Variants in CERS3 observed in about 807,000 individuals in gnomAD.
The protein encoded by CERS3 is LAG1 homolog, ceramide synthase 3.
Under a neutral mutation model 50.3 loss-of-function variants are expected in CERS3, and 33 were observed. That is an observed-to-expected ratio of 0.66 (90% CI 0.50 to 0.88). The LOEUF (loss-of-function observed/expected upper bound fraction) is 0.88. Ranked by LOEUF, CERS3 falls within the 40% of genes least tolerant of loss-of-function variation. The probability of loss-of-function intolerance (pLI) is 0.00; values close to 1 mark genes in which losing one functional copy is unlikely to be tolerated. For missense variants in CERS3, 470 were observed against 460.3 expected, an observed-to-expected ratio of 1.02 and a Z score of -0.19; for synonymous variants, 176 against 155.2, an observed-to-expected ratio of 1.13 and a Z score of -0.99.
chr15:100,453,483 CAT>C (rs2034247832), intron 11 of CERS3, among the ~76,000 whole-genome samples: 1 of 152,116 alleles, frequency 6.6e-6, no homozygotes. Context: ...ACAAACTAGT[CAT>C]AGAGGGAACA....
At chr15:100,494,795 A>G (rs1252968544) in intron 3 of CERS3, among the ~76,000 whole-genome samples, 1 of 152,204 alleles carries the variant, frequency 6.6e-6, no homozygotes, top group Non-Finnish European at 1.5e-5. Flanking sequence ...TTCAGAGGTG[A>G]GAGCTTATGG....
At chr15:100,420,982 A>T (rs1394274528) in intron 11 of CERS3, among the ~76,000 whole-genome samples, 1 of 139,232 alleles carries the variant, frequency 7.2e-6, no homozygotes, top group African/African-American at 2.7e-5. Flanking sequence ...TATCATACTG[A>T]ATGGGCAAAA....
chr15:100,425,167 T>C (rs1170941925), intron 11 of CERS3, among the ~76,000 whole-genome samples: 5 of 152,184 alleles, frequency 3.3e-5, no homozygotes, highest in Admixed American at 3.3e-4. Flanking sequence ...ACTAAGGCAG[T>C]GCAGAGGGGA....
At chr15:100,431,937 GAGT>G (rs772813919) in intron 11 of CERS3, among the ~76,000 whole-genome samples, 8 of 152,176 alleles carry the variant, frequency 5.3e-5, no homozygotes, top group Non-Finnish European at 8.8e-5. Flanking sequence ...TTTACGGTGT[GAGT>G]AGTAGATCTT....
At chr15:100,451,863 T>C (rs1801528280) in intron 11 of CERS3, among the ~76,000 whole-genome samples, 1 of 151,804 alleles carries the variant, frequency 6.6e-6, no homozygotes, top group Non-Finnish European at 1.5e-5. Context: ...AGACTTTAAT[T>C]CAAAAAACAG....
Position 100,413,187 on chromosome 15 carries a change from C to T in CERS3, c.1000-10322G>A, listed in dbSNP as rs149616439. The stretch of plus-strand genomic sequence containing the variant: ...TTCTCCAAATTGCCATATTTTACAT[C>T]CTTTAAAAACAGCTTTACATTCACA... On this transcript the variant is annotated intron_variant, in intron 11 of 11. Coordinates refer to ENST00000679737, the MANE Select transcript of CERS3 (RefSeq NM_001378789.1). 4.3e-3 allele frequency among the ~76,000 whole-genome samples: 662 copies of T among 152,232 alleles called. 5 individuals are homozygous for T. Among genetic ancestry groups the T allele is most frequent in the African/African-American group, 0.015 (604 of 41,538 alleles).
chr15:100,458,805 A>T (rs2034458402), intron 10 of CERS3, among the ~76,000 whole-genome samples: 1 of 152,156 alleles, frequency 6.6e-6, no homozygotes, highest in Non-Finnish European at 1.5e-5. Flanking sequence ...TTATGTAACG[A>T]GGTGATCACT....
chr15:100,496,408 A>G (rs1045422068), intron 3 of CERS3, among the ~76,000 whole-genome samples: 31 of 152,252 alleles, frequency 2.0e-4, no homozygotes, highest in Admixed American at 1.3e-3. Context: ...CATTAAGCTT[A>G]ATGAAAGAAG....
intron 11 of CERS3, among the ~76,000 whole-genome samples, chr15:100,442,757 G>A (rs549731809): frequency 2.6e-5 from 4 of 152,358 alleles, no homozygotes; most frequent in African/African-American, 7.2e-5. Flanking sequence ...CTTAGCAGCT[G>A]AAGACTGACA....
chr15:100,427,942 G>C (rs576232000), intron 11 of CERS3, among the ~76,000 whole-genome samples: 8 of 152,282 alleles, frequency 5.3e-5, no homozygotes, highest in East Asian at 1.9e-4. Flanking sequence ...AGAGAGCCAC[G>C]TCACTAAGTG....
chr15:100,528,663 A>G (rs2036861933), intron 1 of CERS3, 150 bp downstream of exon 1: 2 of 152,346 alleles, frequency 1.3e-5, no homozygotes, highest in South Asian at 2.1e-4. Flanking sequence ...ACATTTCTTC[A>G]TTTGTCCGCC....
intron 4 of CERS3, 23 bp from the exon 5 acceptor site, chr15:100,484,691 A>C (rs2035436089): frequency 6.6e-7 from 1 of 1,510,090 alleles, no homozygotes; most frequent in Non-Finnish European, 9.2e-7. Context: ...GAAACGCATA[A>C]ATGAGTGATA....
chr15:100,518,439 T>C (rs1023272266), intron 2 of CERS3, among the ~76,000 whole-genome samples: 1 of 152,222 alleles, frequency 6.6e-6, no homozygotes, highest in Admixed American at 6.5e-5. Context: ...GATTAATGAT[T>C]AAATCTATGA....
At chr15:100,447,978 A>G (rs1270929485) in intron 11 of CERS3, among the ~76,000 whole-genome samples, 1 of 152,258 alleles carries the variant, frequency 6.6e-6, no homozygotes, top group Non-Finnish European at 1.5e-5. Flanking sequence ...ATTTGTTATT[A>G]TTTAGAGAAG....
At position 100,406,962 on chromosome 15, in the gene CERS3, G is replaced by A. The variant is rs1265447115; in HGVS notation, c.1000-4097C>T. Among the ~76,000 whole-genome samples the A allele has an allele frequency of 2.0e-5, 3 of 152,112 alleles. 1 individual carries two copies. Among genetic ancestry groups the A allele is most frequent in the Non-Finnish European group, 4.4e-5 (3 of 68,036 alleles). ...AAGAGAGAGAGAGAGCTTGTGCAGG[G>A]GAACTCCTCTTTTTGACACCATCAG... On this transcript the variant is annotated intron_variant, in intron 11 of 11. Coordinates refer to ENST00000679737, the MANE Select transcript of CERS3 (RefSeq NM_001378789.1).
At chr15:100,530,715 G>A (rs750161962), upstream of CERS3, among the ~76,000 whole-genome samples, 22 of 152,086 alleles carry the variant, frequency 1.4e-4, no homozygotes, top group Non-Finnish European at 2.6e-4. Context: ...TTCACTCCGG[G>A]GATATCTCGG....
At chr15:100,402,933 C>T in intron 11 of CERS3, 68 bp from the exon 12 acceptor site, 1 of 1,481,678 alleles carries the variant, frequency 6.7e-7, no homozygotes, top group South Asian at 1.3e-5. Context: ...AATCTGCCAA[C>T]AGCCAGTTTC....
chr15:100,466,183 TG>T (rs1159026706), intron 10 of CERS3, among the ~76,000 whole-genome samples: 1 of 152,148 alleles, frequency 6.6e-6, no homozygotes, highest in African/African-American at 2.4e-5. Flanking sequence ...GACAACAGTG[TG>T]GGAAAATAGC....
chr15:100,444,012 A>C (rs1194287590), intron 11 of CERS3, among the ~76,000 whole-genome samples: 1 of 151,900 alleles, frequency 6.6e-6, no homozygotes, highest in Non-Finnish European at 1.5e-5. Context: ...ACTCATCCCA[A>C]CCCTTTTCAT....
Sources: gnomAD v4.1 joint callset for allele counts (sites outside exome capture counted in the v4.1 genomes callset) on GRCh38, gnomAD v4.1.1 for gene constraint, MANE v1.5 for transcripts, NCBI Gene and HGNC (gene_info 2026-07-23, HGNC 2026-07-21) for gene names.